The following IPO11 variants were observed in gnomAD, a reference collection of about 807,000 sequenced individuals.
The protein encoded by IPO11 is importin-11.
IPO11 carries 66 observed loss-of-function variants against 143.2 expected under a neutral mutation model. That is an observed-to-expected ratio of 0.46 (90% CI 0.38 to 0.57). The LOEUF (loss-of-function observed/expected upper bound fraction) is 0.57. Ranked by LOEUF, IPO11 falls within the 20% of genes least tolerant of loss-of-function variation. The pLI is 0.00. For missense variants in IPO11, 1,026 were observed against 1,141.0 expected, an observed-to-expected ratio of 0.90 and a Z score of 1.45; for synonymous variants, 385 against 377.8, an observed-to-expected ratio of 1.02 and a Z score of -0.22.
chr5:62,430,986 A>G (rs760856252), intron 1 of IPO11, among the ~76,000 whole-genome samples: 14 of 148,170 alleles, frequency 9.4e-5, no homozygotes, highest in Non-Finnish European at 1.8e-4. Flanking sequence ...GCCTGGCCTT[A>G]TTTTATTTTT....
chr5:62,429,626 GTA>G (rs1175505078), intron 1 of IPO11, among the ~76,000 whole-genome samples: 2,106 of 135,756 alleles, frequency 0.016, 28 homozygotes, highest in South Asian at 0.034. Flanking sequence ...GTGTGTGTGT[GTA>G]TGTGTTTATT....
intron 27 of IPO11, among the ~76,000 whole-genome samples, chr5:62,568,559 G>A (rs1363149872): frequency 7.0e-5 from 5 of 71,484 alleles, no homozygotes; most frequent in Admixed American, 6.6e-4. Flanking sequence ...GGGCGACAGA[G>A]CAAGACTCTG....
intron 29 of IPO11, among the ~76,000 whole-genome samples, chr5:62,604,473 A>G (rs1445217415): frequency 6.6e-6 from 1 of 152,102 alleles, no homozygotes; most frequent in Non-Finnish European, 1.5e-5. Context: ...GGCCTCCCAA[A>G]GTGCTGGGAT....
intron 9 of IPO11, among the ~76,000 whole-genome samples, chr5:62,481,568 A>T (rs1746213447): frequency 6.6e-6 from 1 of 152,062 alleles, no homozygotes. Context: ...ACGTTCATTG[A>T]TTTGCGTATG....
intron 27 of IPO11, among the ~76,000 whole-genome samples, chr5:62,571,224 C>T (rs1187296447): frequency 1.3e-5 from 2 of 151,754 alleles, no homozygotes; most frequent in African/African-American, 4.8e-5. Context: ...TTTATTCTAT[C>T]CAGAATACCA....
chr5:62,603,748 C>G (rs1295587247), intron 29 of IPO11, among the ~76,000 whole-genome samples: 3 of 152,198 alleles, frequency 2.0e-5, no homozygotes, highest in African/African-American at 7.2e-5. Context: ...ACAGTGGACC[C>G]AGCCCAAATC....
chr5:62,455,986 A>G (rs1745136120), intron 5 of IPO11, among the ~76,000 whole-genome samples: 1 of 152,064 alleles, frequency 6.6e-6, no homozygotes, highest in East Asian at 1.9e-4. Flanking sequence ...CAGCCTCCCA[A>G]AGTGCTGGGA....
At chr5:62,526,317 T>G in intron 21 of IPO11, 60 bp downstream of exon 21, 1 of 1,207,686 alleles carries the variant, frequency 8.3e-7, no homozygotes, top group Non-Finnish European at 1.2e-6. Context: ...CCTACTCTCA[T>G]GCCAGTAAAG....
At chr5:62,600,783 GCC>G (rs1246285762) in intron 28 of IPO11, among the ~76,000 whole-genome samples, 2 of 152,156 alleles carry the variant, frequency 1.3e-5, no homozygotes, top group East Asian at 3.8e-4. Flanking sequence ...CTGATTTCTA[GCC>G]TAAGGTTCTT....
At chr5:62,618,504 T>C (rs991314247) in intron 29 of IPO11, among the ~76,000 whole-genome samples, 1 of 152,080 alleles carries the variant, frequency 6.6e-6, no homozygotes, top group Non-Finnish European at 1.5e-5. Flanking sequence ...TGAATAAGTA[T>C]TGTTTGCTTG....
intron 22 of IPO11, among the ~76,000 whole-genome samples, chr5:62,533,194 T>C (rs1049448952): frequency 1.3e-5 from 2 of 149,508 alleles, no homozygotes; most frequent in Admixed American, 1.4e-4. Flanking sequence ...TTTTTGCATG[T>C]ATATTCTTTC....
rs531234284 is a variant in IPO11 at position 62,526,851 on chromosome 5, A to G, written c.2012+594A>G. On this transcript the variant is annotated intron_variant, in intron 21 of 29. Coordinates refer to ENST00000325324, the MANE Select transcript of IPO11 (RefSeq NM_016338.5). ...TTGGCAACAGTTTTCTCCAGAGACA[A>G]TCTTTCAATAATACATGAAAAGTTT... 15 of 152,298 alleles carry G rather than the reference A, an allele frequency of 9.8e-5. No individual in the cohort carries two copies. The East Asian group carries it at 1.2e-3, about 12-fold the overall frequency. The allele number at this position is 152,298 out of a possible 1,614,324, so 9.4% of individuals were successfully genotyped here.
intron 15 of IPO11, among the ~76,000 whole-genome samples, chr5:62,492,026 G>C (rs1341539414): frequency 6.6e-6 from 1 of 152,164 alleles, no homozygotes; most frequent in Non-Finnish European, 1.5e-5. Flanking sequence ...GGACAAAGCT[G>C]ATGTAGACCA....
chr5:62,460,815 T>C (rs1580205256), intron 5 of IPO11, among the ~76,000 whole-genome samples: 1 of 152,196 alleles, frequency 6.6e-6, no homozygotes, highest in East Asian at 1.9e-4. Context: ...TCCACATTTT[T>C]AGAATCACAT....
intron 29 of IPO11, among the ~76,000 whole-genome samples, chr5:62,626,293 G>C (rs1238204654): frequency 6.6e-6 from 1 of 152,198 alleles, no homozygotes; most frequent in African/African-American, 2.4e-5. Flanking sequence ...CTCCTAAAGT[G>C]CTGGGATTAC....
At chr5:62,489,247 A>G (rs577625732) in intron 13 of IPO11, 55 bp from the exon 14 acceptor site, 77 of 1,058,494 alleles carry the variant, frequency 7.3e-5, no homozygotes, top group Non-Finnish European at 9.2e-5. Flanking sequence ...TAAATTTTTT[A>G]AAAAACTAGT....
intron 10 of IPO11, 53 bp downstream of exon 10, chr5:62,483,346 T>C: frequency 9.8e-7 from 1 of 1,019,948 alleles, no homozygotes; most frequent in Non-Finnish European, 1.4e-6. Flanking sequence ...AAGTGTGATA[T>C]AATTGCTATA....
intron 29 of IPO11, among the ~76,000 whole-genome samples, chr5:62,617,859 C>T (rs1168590814): frequency 6.6e-6 from 1 of 152,066 alleles, no homozygotes; most frequent in Non-Finnish European, 1.5e-5. Context: ...TATTTTCCTA[C>T]ACATTTTCTT....
At chr5:62,520,015 G>T (rs1742152708) in intron 20 of IPO11, among the ~76,000 whole-genome samples, 3 of 152,174 alleles carry the variant, frequency 2.0e-5, no homozygotes, top group Admixed American at 2.0e-4. Context: ...TCAAATGTCA[G>T]ATCCCCCGAG....
Sources: gnomAD v4.1 joint callset for allele counts (sites outside exome capture counted in the v4.1 genomes callset) on GRCh38, gnomAD v4.1.1 for gene constraint, MANE v1.5 for transcripts, NCBI Gene and HGNC (gene_info 2026-07-23, HGNC 2026-07-21) for gene names.